The following ANKRD31 variants were observed in gnomAD, a reference collection of about 807,000 sequenced individuals.
ANKRD31 encodes ankyrin repeat domain 31.
In ANKRD31, 147 loss-of-function variants were observed where a neutral mutation model predicts 186.0. That is an observed-to-expected ratio of 0.79 (90% CI 0.69 to 0.91). The LOEUF is 0.91. ANKRD31 is among the 40% of genes least tolerant of loss of function. ANKRD31 has a pLI of 0.00. For synonymous variants in ANKRD31, 673 were observed against 736.4 expected, an observed-to-expected ratio of 0.91 and a Z score of 1.39; for missense variants, 1,986 against 2,148.8, an observed-to-expected ratio of 0.92 and a Z score of 1.50.
At chr5:75,183,344 T>G (rs535735251) in intron 10 of ANKRD31, among the ~76,000 whole-genome samples, 4 of 152,234 alleles carry the variant, frequency 2.6e-5, no homozygotes, top group Admixed American at 6.5e-5. Context: ...GTTTTTCCTT[T>G]AAGATCTGGA....
At chr5:75,186,273 T>C (rs1354736103) in intron 10 of ANKRD31, among the ~76,000 whole-genome samples, 1 of 152,192 alleles carries the variant, frequency 6.6e-6, no homozygotes. Context: ...AATATAGTTA[T>C]AAATTTCCTT....
intron 4 of ANKRD31, among the ~76,000 whole-genome samples, chr5:75,210,604 C>T (rs571175400): frequency 2.0e-5 from 3 of 152,188 alleles, no homozygotes; most frequent in South Asian, 2.1e-4. Context: ...GCTTTAAATT[C>T]GCTTTTAAAA....
At position 75,226,895 on chromosome 5, in the gene ANKRD31, C is replaced by A. The variant is rs551164717; in HGVS notation, c.178+3667G>T. ...CAGAAAAAGAAATACAGCTACCATA[C>A]AATCCAGCAATCCCACTCCTAGGTA... On this transcript the variant is annotated intron_variant, in intron 2 of 25. Transcript: ENST00000506364. Among the ~76,000 whole-genome samples, 18 of 152,258 alleles carry A rather than the reference C, an allele frequency of 1.2e-4. No individual in the cohort carries two copies. The South Asian group carries it at 3.7e-3, about 32-fold the overall frequency.
At chr5:75,147,803 A>G (rs1486835715) in intron 13 of ANKRD31, among the ~76,000 whole-genome samples, 1 of 151,896 alleles carries the variant, frequency 6.6e-6, no homozygotes, top group Non-Finnish European at 1.5e-5. Flanking sequence ...AACATAATAA[A>G]TTTTAATCTA....
At chr5:75,071,155 C>G (rs1273555321) in intron 25 of ANKRD31, among the ~76,000 whole-genome samples, 1 of 151,970 alleles carries the variant, frequency 6.6e-6, no homozygotes, top group Non-Finnish European at 1.5e-5. Flanking sequence ...TATCTATACA[C>G]TTAAATATTT....
intron 23 of ANKRD31, among the ~76,000 whole-genome samples, chr5:75,089,934 G>GA (rs1451419285): frequency 6.6e-6 from 1 of 152,186 alleles, no homozygotes; most frequent in African/African-American, 2.4e-5. Flanking sequence ...TCAAAGGCAG[G>GA]AAATAACAGT....
chr5:75,229,618 G>A (rs917298300), intron 2 of ANKRD31, among the ~76,000 whole-genome samples: 1 of 152,082 alleles, frequency 6.6e-6, no homozygotes, highest in African/African-American at 2.4e-5. Context: ...TGTAATCCCA[G>A]CACTTTGGAG....
intron 11 of ANKRD31, among the ~76,000 whole-genome samples, chr5:75,159,238 A>G (rs4703655): frequency 0.51 from 77,156 of 151,900 alleles, 22,655 homozygotes; most frequent in African/African-American, 0.82. Context: ...AGAGAAATAT[A>G]GGGCACCATT....
At chr5:75,108,780 T>A (rs1747537507) in intron 20 of ANKRD31, among the ~76,000 whole-genome samples, 1 of 152,104 alleles carries the variant, frequency 6.6e-6, no homozygotes, top group Non-Finnish European at 1.5e-5. Context: ...AGGGGGAAAA[T>A]GTGTACAATC....
chr5:75,233,054 A>AT (rs1011522534), intron 1 of ANKRD31, among the ~76,000 whole-genome samples: 3 of 140,972 alleles, frequency 2.1e-5, no homozygotes, highest in South Asian at 2.3e-4. Context: ...TCTTTTTTTA[A>AT]TTTTTTCTTT....
At chr5:75,233,291 G>A (rs1049560648) in intron 1 of ANKRD31, among the ~76,000 whole-genome samples, 3 of 151,850 alleles carry the variant, frequency 2.0e-5, no homozygotes, top group African/African-American at 7.3e-5. Flanking sequence ...TCGAACTCCT[G>A]ACCTCAAGTG....
intron 9 of ANKRD31, among the ~76,000 whole-genome samples, chr5:75,190,380 T>C (rs1388116161): frequency 1.3e-5 from 2 of 152,196 alleles, no homozygotes; most frequent in East Asian, 3.8e-4. Flanking sequence ...TCTGTTCTTA[T>C]AATGTCTTTG....
At chr5:75,158,406 TCAAA>T (rs1752340564) in intron 11 of ANKRD31, among the ~76,000 whole-genome samples, 1 of 152,074 alleles carries the variant, frequency 6.6e-6, no homozygotes, top group Non-Finnish European at 1.5e-5. Context: ...TCACAACTTA[TCAAA>T]CAAAGAAGCA....
chr5:75,232,020 T>C (rs958592674), intron 1 of ANKRD31, among the ~76,000 whole-genome samples: 1 of 152,104 alleles, frequency 6.6e-6, no homozygotes, highest in Non-Finnish European at 1.5e-5. Context: ...TTTTCTATTA[T>C]AACACACCCT....
intron 24 of ANKRD31, 115 bp downstream of exon 24, chr5:75,084,157 T>C (rs1489836665): frequency 2.6e-6 from 2 of 770,294 alleles, no homozygotes; most frequent in South Asian, 1.7e-5. Flanking sequence ...TAGTTAATTA[T>C]AATGATTGTT....
At position 75,104,294 on chromosome 5, in the gene ANKRD31, C is replaced by T; in HGVS notation, c.5265G>A (p.Gln1755=). 2 of 1,535,166 alleles carry T rather than the reference C, an allele frequency of 1.3e-6. No individual in the cohort carries two copies. Among genetic ancestry groups the T allele is most frequent in the Non-Finnish European group, 8.7e-7 (1 of 1,145,932 alleles). Residue 1755 remains glutamine, a synonymous_variant, in exon 22 of 26, where the codon CAG becomes CAA. Transcript: ENST00000506364. ...YSTAPKKKCI[Q]IKDLILLGRI... is the part of the protein sequence containing the mutation. ...TTCCTAGTAATATCAAATCTTTTATCTGAATACATTTCTTTTTAGGAGCTG... is the reference window on the plus strand; with the variant it reads ...TTCCTAGTAATATCAAATCTTTTATTTGAATACATTTCTTTTTAGGAGCTG...
chr5:75,112,448 T>G, intron 20 of ANKRD31, 65 bp downstream of exon 20: 1 of 1,089,056 alleles, frequency 9.2e-7, no homozygotes, highest in Non-Finnish European at 1.3e-6. Context: ...GAAATAAATA[T>G]GTACCTTAAG....
intron 17 of ANKRD31, among the ~76,000 whole-genome samples, chr5:75,121,282 C>A (rs1748767810): frequency 1.3e-5 from 2 of 151,532 alleles, no homozygotes; most frequent in African/African-American, 4.8e-5. Flanking sequence ...CATATGTACT[C>A]AACACTGGAG....
chr5:75,168,644 G>A (rs1390520339), intron 11 of ANKRD31, among the ~76,000 whole-genome samples: 1 of 151,968 alleles, frequency 6.6e-6, no homozygotes, highest in Non-Finnish European at 1.5e-5. Context: ...TATCAGGACT[G>A]GACATAACTG....
Sources: gnomAD v4.1 joint callset for allele counts (sites outside exome capture counted in the v4.1 genomes callset) on GRCh38, gnomAD v4.1.1 for gene constraint, MANE v1.5 for transcripts, NCBI Gene and HGNC (gene_info 2026-07-23, HGNC 2026-07-21) for gene names.